Variants in NFRKB observed in about 807,000 individuals in gnomAD.
The protein encoded by NFRKB is nuclear factor related to kappa-B-binding protein.
A neutral mutation model predicts 135.7 loss-of-function variants in NFRKB; 62 were observed. The ratio of observed to expected loss-of-function variants is 0.46; its 90% confidence interval spans 0.37 to 0.56. The LOEUF (loss-of-function observed/expected upper bound fraction) is 0.56. Ranked by LOEUF, NFRKB falls within the 20% of genes least tolerant of loss-of-function variation. The pLI is 0.00. For missense variants in NFRKB, 1,545 were observed against 1,662.0 expected, an observed-to-expected ratio of 0.93 and a Z score of 1.22; for synonymous variants, 678 against 635.6, an observed-to-expected ratio of 1.07 and a Z score of -1.00.
At chr11:129,878,160 G>A (rs898746502) in intron 15 of NFRKB, 149 bp downstream of exon 15, 1 of 748,828 alleles carries the variant, frequency 1.3e-6, no homozygotes, top group Non-Finnish European at 2.2e-6. Context: ...CACTCAGGGG[G>A]TGCGGCCAAG....
chr11:129,880,587 G>A (rs1948981113), intron 13 of NFRKB, among the ~76,000 whole-genome samples: 1 of 152,100 alleles, frequency 6.6e-6, no homozygotes, highest in Non-Finnish European at 1.5e-5. Context: ...CCTCAGGAAG[G>A]TCCTCCAAAC....
At chr11:129,868,414 C>T (rs764206776) in intron 24 of NFRKB, among the ~76,000 whole-genome samples, 10 of 152,122 alleles carry the variant, frequency 6.6e-5, no homozygotes, top group African/African-American at 2.2e-4. Flanking sequence ...GACAGGTATG[C>T]GAGGTTAAAA....
chr11:129,888,544 C>A (rs555208304), intron 4 of NFRKB, 50 bp downstream of exon 4: 1 of 1,496,866 alleles, frequency 6.7e-7, no homozygotes, highest in South Asian at 1.1e-5. Flanking sequence ...ATAAAGTGAA[C>A]GTGTGCCCAT....
Position 129,890,029 on chromosome 11 carries a change from GTTTT to G in NFRKB, c.136-1238_136-1235del, listed in dbSNP as rs371082832. Among the ~76,000 whole-genome samples the G allele has an allele frequency of 3.0e-4, 40 of 134,250 alleles. 1 individual carries two copies. Among genetic ancestry groups the G allele is most frequent in the African/African-American group, 2.8e-5 (1 of 35,560 alleles). 88.1% of individuals were successfully genotyped at this position (134,250 alleles called of 152,430 possible). On this transcript the variant is annotated intron_variant, in intron 3 of 26. Coordinates refer to ENST00000682444, the MANE Select transcript of NFRKB (RefSeq NM_001143835.2). ...TGTGTGATACTTTTTGGGTTTTTTT[GTTTT>G]TTTTTTTTGTTTTTTTAGAGTTCAG...
In NFRKB at chr11:129,878,317, G is replaced by A. The variant is rs779298630; in HGVS notation, c.1503C>T (p.Val501=). The change falls in exon 15 of 27, where the codon GTC becomes GTT. Residue 501 remains valine, a synonymous_variant. Coordinates refer to ENST00000682444, the MANE Select transcript of NFRKB (RefSeq NM_001143835.2). ...NEDSSDATTP[V]PRVRTDYVVR... Reference sequence around the variant, plus strand: ...TACAGTATTGTACTCACACCCGAGGGACAGGTGTTGTGGCATCTGAGCTGT... The same window carrying A: ...TACAGTATTGTACTCACACCCGAGGAACAGGTGTTGTGGCATCTGAGCTGT... The A allele has an allele frequency of 4.3e-6, 7 of 1,614,006 alleles. No homozygotes were observed. The South Asian group carries it at 6.6e-5, about 15-fold the overall frequency.
At chr11:129,882,368 TACG>T (rs770379312) in intron 10 of NFRKB, 80 bp downstream of exon 10, 328 of 1,488,902 alleles carry the variant, frequency 2.2e-4, no homozygotes, top group Non-Finnish European at 2.9e-4. Flanking sequence ...TACTTACAGC[TACG>T]ACAAGCCCTA....
At chr11:129,880,090 G>A (rs998416813) in intron 13 of NFRKB, among the ~76,000 whole-genome samples, 10 of 152,150 alleles carry the variant, frequency 6.6e-5, no homozygotes, top group African/African-American at 2.2e-4. Flanking sequence ...AGGAGTAGGA[G>A]GAGGCAGGAG....
Position 129,882,182 on chromosome 11 carries a change from GTCT to G in NFRKB, c.1092_1094del (p.Glu364del), listed in dbSNP as rs751792754. 6.8e-6 allele frequency: 11 copies of G among 1,609,544 alleles called. No individual in the cohort carries two copies. Among genetic ancestry groups the G allele is most frequent in the African/African-American group, 1.3e-5 (1 of 74,508 alleles). ...CATTGATTCCAAGGCAAGGCTTGAG[GTCT>G]TCAAGGGGCCTAATGAGGGAAGAAA... On this transcript the variant is annotated inframe_deletion, in exon 11 of 27. Transcript: ENST00000682444.
chr11:129,890,713 C>T (rs976180351), intron 3 of NFRKB, among the ~76,000 whole-genome samples: 9 of 152,128 alleles, frequency 5.9e-5, no homozygotes, highest in Non-Finnish European at 8.8e-5. Flanking sequence ...ATAATAAGCA[C>T]TTAATAAACG....
rs960556226 is a variant in NFRKB at position 129,864,755 on chromosome 11, C to T, written c.3870G>A (p.Pro1290=). 1.3e-5 allele frequency: 21 copies of T among 1,614,178 alleles called. No homozygotes were observed. Among genetic ancestry groups the T allele is most frequent in the Non-Finnish European group, 1.5e-5 (18 of 1,180,036 alleles). The part of the protein sequence containing the change: ...AVSTVVVTTA[P]SPKQAPEQQ ...GTTGCTCAGGTGCCTGTTTAGGAGA[C>T]GGAGCTGTAGTCACAACAACAGTGG... Residue 1290 remains proline (P), a synonymous_variant, in exon 27 of 27, where the codon CCG becomes CCA. Coordinates refer to ENST00000682444, the MANE Select transcript of NFRKB (RefSeq NM_001143835.2).
In NFRKB at chr11:129,884,746, T is replaced by C. The variant is rs376636665; in HGVS notation, c.741A>G (p.Ala247=). 5 of 1,613,600 alleles carry C rather than the reference T, an allele frequency of 3.1e-6. No homozygotes were observed. The highest frequency in any genetic ancestry group is 2.7e-5 in the African/African-American group (2 of 74,920). ...TGACAGCGGCAGCTTGGTTCTCACC[T>C]GCAGTTTTCATATCCGTGGTTGAAA... ...PTLSTTDMKT[A]DKVELGDSDL... The change falls in exon 7 of 27, where the codon GCA becomes GCG. Residue 247 remains alanine, a splice_region_variant and synonymous_variant. Coordinates refer to ENST00000682444, the MANE Select transcript of NFRKB (RefSeq NM_001143835.2).
intron 22 of NFRKB, 97 bp from the exon 23 acceptor site, chr11:129,873,193 C>G (rs1948600487): frequency 1.9e-6 from 2 of 1,062,926 alleles, no homozygotes; most frequent in South Asian, 1.7e-5. Flanking sequence ...AAGCATTGCT[C>G]TCAAAGAGCT....
chr11:129,882,781 T>C (rs1949091724), intron 9 of NFRKB, 150 bp from the exon 10 acceptor site: 3 of 828,446 alleles, frequency 3.6e-6, no homozygotes, highest in Non-Finnish European at 3.8e-6. Context: ...CATTGAGTGA[T>C]TTATAGCTTT....
At chr11:129,887,906 G>A (rs958213876) in intron 4 of NFRKB, among the ~76,000 whole-genome samples, 29 of 152,166 alleles carry the variant, frequency 1.9e-4, no homozygotes, top group African/African-American at 6.3e-4. Context: ...GCGTGGTGGC[G>A]GGCGCCTGTA....
In NFRKB at chr11:129,873,775, G is replaced by A; in HGVS notation, c.2520C>T (p.Ala840=). The change falls in exon 22 of 27, where the codon GCC becomes GCT. Residue 840 remains alanine (A), a synonymous_variant. Coordinates refer to ENST00000682444, the MANE Select transcript of NFRKB (RefSeq NM_001143835.2). ...MPAGPQIRVP[A]TATQTKVVPQ... is the part of the protein sequence containing the mutation. ...GCACTACTTTGGTCTGTGTGGCAGT[G>A]GCTGGAACCCGGATCTGCGGTCCTG... 6.2e-7 allele frequency: 1 copy of A among 1,614,108 alleles called. No individual in the cohort carries two copies. Among genetic ancestry groups the A allele is most frequent in the Non-Finnish European group, 8.5e-7 (1 of 1,179,978 alleles).
intron 5 of NFRKB, 85 bp downstream of exon 5, chr11:129,886,232 T>G: frequency 1.3e-6 from 2 of 1,490,582 alleles, no homozygotes; most frequent in Non-Finnish European, 1.8e-6. Flanking sequence ...CGTGGCAATT[T>G]TTGTGTTTTG....
chr11:129,890,026 TTTG>T (rs1197193762), intron 3 of NFRKB, among the ~76,000 whole-genome samples: 5 of 103,798 alleles, frequency 4.8e-5, no homozygotes, highest in East Asian at 3.0e-4. Flanking sequence ...TTTGGGTTTT[TTTG>T]TTTTTTTTTT....
At chr11:129,866,035 G>C (rs749330191) in intron 24 of NFRKB, 52 bp from the exon 25 acceptor site, 8 of 1,467,294 alleles carry the variant, frequency 5.5e-6, no homozygotes, top group Non-Finnish European at 7.4e-6. Flanking sequence ...AGGAAAACCA[G>C]CAAGTGTCAC....
chr11:129,884,039 ACCACACGG>A, intron 8 of NFRKB, 23 bp downstream of exon 8: 1 of 1,612,550 alleles, frequency 6.2e-7, no homozygotes, highest in Non-Finnish European at 8.5e-7. Flanking sequence ...CAGGCTGAAA[ACCACACGG>A]CCGCACGCCC....
Sources: gnomAD v4.1 joint callset for allele counts (sites outside exome capture counted in the v4.1 genomes callset) on GRCh38, gnomAD v4.1.1 for gene constraint, MANE v1.5 for transcripts, NCBI Gene and HGNC (gene_info 2026-07-23, HGNC 2026-07-21) for gene names.